The following NAALADL2 variants were observed in gnomAD, a reference collection of about 807,000 sequenced individuals.
NAALADL2 encodes inactive N-acetylated-alpha-linked acidic dipeptidase-like protein 2.
NAALADL2 carries 76 observed loss-of-function variants against 87.2 expected under a neutral mutation model. The ratio of observed to expected loss-of-function variants is 0.87; its 90% CI spans 0.72 to 1.05. The LOEUF (loss-of-function observed/expected upper bound fraction) is 1.05, where lower values mean the gene tolerates loss of function less well. NAALADL2 is among the 50% of genes least tolerant of loss of function. The probability of loss-of-function intolerance (pLI) is 0.00; values close to 1 mark genes in which losing one functional copy is unlikely to be tolerated. For synonymous variants in NAALADL2, 354 were observed against 331.0 expected (o/e 1.07, Z -0.75); for missense variants, 1,089 against 945.8 (o/e 1.15, Z -1.99).
chr3:175,357,622 C>T (rs1050520386), intron 5 of NAALADL2, among the ~76,000 whole-genome samples: 1 of 152,098 alleles, frequency 6.6e-6, no homozygotes, highest in Non-Finnish European at 1.5e-5. Flanking sequence ...ATTTCTAATA[C>T]AATATATGCA....
chr3:175,759,795 G>A (rs1164926580), intron 13 of NAALADL2, among the ~76,000 whole-genome samples: 1 of 152,188 alleles, frequency 6.6e-6, no homozygotes, highest in African/African-American at 2.4e-5. Context: ...GTGCTCGAGA[G>A]TGAAGTACAA....
At chr3:175,363,240 A>AT (rs1253366595) in intron 5 of NAALADL2, among the ~76,000 whole-genome samples, 1 of 147,506 alleles carries the variant, frequency 6.8e-6, no homozygotes, top group Non-Finnish European at 1.5e-5. Flanking sequence ...CTTAATGGAT[A>AT]TAAAATTTTT....
intron 10 of NAALADL2, among the ~76,000 whole-genome samples, chr3:175,614,337 C>A (rs1246764177): frequency 1.3e-5 from 2 of 152,234 alleles, no homozygotes; most frequent in Non-Finnish European, 2.9e-5. Flanking sequence ...AGGCGTGAGC[C>A]ACCACCCTCG....
intron 1 of NAALADL2, among the ~76,000 whole-genome samples, chr3:174,960,630 T>C (rs1169449160): frequency 6.6e-6 from 1 of 152,070 alleles, no homozygotes; most frequent in East Asian, 1.9e-4. Flanking sequence ...TTTGGGATAA[T>C]ATAATAGCCT....
At chr3:174,727,457 G>A (rs889172629) in intron 2 of NAALADL2, among the ~76,000 whole-genome samples, 6 of 151,858 alleles carry the variant, frequency 4.0e-5, no homozygotes, top group African/African-American at 1.2e-4. Context: ...TAAACAAATT[G>A]TATAATCTAG....
intron 1 of NAALADL2, among the ~76,000 whole-genome samples, chr3:174,461,549 G>C (rs1301786012): frequency 6.6e-6 from 1 of 152,024 alleles, no homozygotes; most frequent in Non-Finnish European, 1.5e-5. Context: ...TTAGATAGAA[G>C]TAGATTGCTA....
chr3:175,418,119 G>A (rs1714994357), intron 5 of NAALADL2, among the ~76,000 whole-genome samples: 1 of 152,094 alleles, frequency 6.6e-6, no homozygotes, highest in Non-Finnish European at 1.5e-5. Context: ...AATGAGACCA[G>A]AAAAGAGAAA....
intron 11 of NAALADL2, among the ~76,000 whole-genome samples, chr3:175,684,603 G>A (rs1284198671): frequency 6.6e-6 from 1 of 152,016 alleles, no homozygotes; most frequent in Non-Finnish European, 1.5e-5. Context: ...AGACCAGCCT[G>A]GACAACATAG....
intron 1 of NAALADL2, among the ~76,000 whole-genome samples, chr3:174,882,861 A>G (rs1011148042): frequency 1.1e-4 from 16 of 139,952 alleles, no homozygotes; most frequent in Admixed American, 9.7e-4. Flanking sequence ...GTATATATAC[A>G]TATGTGTATA....
intron 1 of NAALADL2, among the ~76,000 whole-genome samples, chr3:174,545,336 G>C (rs1270734994): frequency 6.6e-6 from 1 of 152,098 alleles, no homozygotes; most frequent in Non-Finnish European, 1.5e-5. Context: ...TGTCGTCCTG[G>C]AACTTTTCTT....
At chr3:174,699,376 C>T (rs551355695) in intron 2 of NAALADL2, among the ~76,000 whole-genome samples, 42 of 147,032 alleles carry the variant, frequency 2.9e-4, no homozygotes, top group African/African-American at 1.1e-3. Flanking sequence ...GCCTGTAGTC[C>T]CAGCTACTTG....
chr3:175,331,923 C>A (rs887758170), intron 5 of NAALADL2, among the ~76,000 whole-genome samples: 1 of 152,226 alleles, frequency 6.6e-6, no homozygotes, highest in East Asian at 1.9e-4. Flanking sequence ...AAATCAGCAG[C>A]CTTCCTGTAA....
chr3:175,118,950 C>CA (rs1251908975), intron 2 of NAALADL2, among the ~76,000 whole-genome samples: 2 of 151,536 alleles, frequency 1.3e-5, no homozygotes, highest in East Asian at 3.9e-4. Context: ...CATCAGGTAG[C>CA]AAAAAATTAA....
intron 2 of NAALADL2, among the ~76,000 whole-genome samples, chr3:175,177,330 G>A (rs1164953502): frequency 6.6e-6 from 1 of 152,100 alleles, no homozygotes; most frequent in Admixed American, 6.6e-5. Flanking sequence ...CATCTCTATT[G>A]CTGTCGGGCT....
chr3:174,541,384 T>A (rs1442512091), intron 1 of NAALADL2, among the ~76,000 whole-genome samples: 1 of 152,172 alleles, frequency 6.6e-6, no homozygotes, highest in African/African-American at 2.4e-5. Flanking sequence ...AAAATTGGAA[T>A]GTGTGACAAC....
chr3:175,283,621 A>C (rs1397142887), intron 4 of NAALADL2, among the ~76,000 whole-genome samples: 1 of 152,110 alleles, frequency 6.6e-6, no homozygotes, highest in Non-Finnish European at 1.5e-5. Context: ...TTCAACATAA[A>C]GTTATGGTAA....
At position 174,764,532 on chromosome 3, in the gene NAALADL2, C is replaced by T. The variant is rs186495566; in HGVS notation, c.-9+26786C>T. 2.0e-4 allele frequency among the ~76,000 whole-genome samples: 31 copies of T among 152,332 alleles called. No homozygotes were observed. The East Asian group carries it at 5.4e-3, about 27-fold the overall frequency. On this transcript the variant is annotated intron_variant, in intron 3 of 3. Transcript: ENST00000434257. ...GGCTGAGGCAGGAGAATTACTTGAACCCAGGAGGTGTAGGTTGCAATGAGC... is the reference window on the plus strand; with the variant it reads ...GGCTGAGGCAGGAGAATTACTTGAATCCAGGAGGTGTAGGTTGCAATGAGC...
intron 13 of NAALADL2, among the ~76,000 whole-genome samples, chr3:175,757,932 A>C: frequency 6.6e-6 from 1 of 152,100 alleles, no homozygotes; most frequent in East Asian, 1.9e-4. Flanking sequence ...AAAATTCAGA[A>C]ATTAATACAA....
chr3:175,750,586 A>G lies in NAALADL2; in HGVS notation c.1991-4634A>G, dbSNP rs115454274. 1.3e-3 allele frequency among the ~76,000 whole-genome samples: 197 copies of G among 152,268 alleles called. 1 individual carries two copies. The highest frequency in any genetic ancestry group is 2.4e-3 in the Non-Finnish European group (160 of 68,018). On this transcript the variant is annotated intron_variant, in intron 12 of 13. Coordinates refer to ENST00000454872, the MANE Select transcript of NAALADL2 (RefSeq NM_207015.3). Reference sequence around the variant, plus strand: ...GGGATGAGGCTGGAAAGACATTAATAATGTTTAAAAATGGAACACTCTCCC... The same window carrying G: ...GGGATGAGGCTGGAAAGACATTAATGATGTTTAAAAATGGAACACTCTCCC...
Sources: allele counts gnomAD v4.1 joint callset (sites outside exome capture counted in the v4.1 genomes callset), GRCh38; gene constraint gnomAD v4.1.1; transcripts MANE v1.5; gene names NCBI Gene and HGNC (gene_info 2026-07-23, HGNC 2026-07-21).